SUPT3H: variants seen among roughly 807,000 people sequenced by gnomAD.
SUPT3H encodes transcription initiation protein SPT3 homolog.
Under a neutral mutation model 44.3 loss-of-function variants are expected in SUPT3H, and 44 were observed. The ratio of observed to expected loss-of-function variants is 0.99; its 90% CI spans 0.78 to 1.28. SUPT3H has a LOEUF of 1.28. SUPT3H is among the 50% of genes most tolerant of loss of function. The pLI, the probability that SUPT3H is intolerant of heterozygous loss-of-function variation, is 0.00. For missense variants in SUPT3H, 380 were observed against 387.1 expected (o/e 0.98, Z 0.15); for synonymous variants, 124 against 125.6 (o/e 0.99, Z 0.09).
At chr6:45,163,722 TC>T (rs1809404157) in intron 2 of SUPT3H, among the ~76,000 whole-genome samples, 1 of 151,244 alleles carries the variant, frequency 6.6e-6, no homozygotes, top group South Asian at 2.1e-4. Flanking sequence ...TGTCAGAGGA[TC>T]ACTGCCATAC....
intron 2 of SUPT3H, among the ~76,000 whole-genome samples, chr6:45,205,301 T>C (rs747934630): frequency 6.6e-6 from 1 of 152,206 alleles, no homozygotes; most frequent in Non-Finnish European, 1.5e-5. Context: ...AGACATAACA[T>C]AGAAGGACTC....
chr6:44,847,580 C>G (rs538310774), intron 10 of SUPT3H, among the ~76,000 whole-genome samples: 1 of 151,738 alleles, frequency 6.6e-6, no homozygotes, highest in Non-Finnish European at 1.5e-5. Flanking sequence ...CTCCGCCTCC[C>G]GGGTTCAAGT....
rs1780649217 is a variant in SUPT3H, at chr6:45,293,608, GAA to G, written c.101+71591_101+71592del. On this transcript the variant is annotated intron_variant, in intron 2 of 10. Transcript: ENST00000371459. Reference sequence around the variant, plus strand: ...CCATTAACAAGATTAACTAAGAAAAGAAGAGAGAAAATCGATATAAGCTCAGT... The same window carrying G: ...CCATTAACAAGATTAACTAAGAAAAGGAGAGAAAATCGATATAAGCTCAGT... Among the ~76,000 whole-genome samples the G allele has an allele frequency of 2.0e-5, 3 of 151,996 alleles. No individual in the cohort carries two copies. In the South Asian group the frequency reaches 6.2e-4, roughly 32 times the overall value.
chr6:44,906,883 T>C lies in SUPT3H; in HGVS notation c.912+25770A>G, dbSNP rs75223569. On this transcript the variant is annotated intron_variant, in intron 10 of 10. Coordinates refer to ENST00000371459, the MANE Select transcript of SUPT3H (RefSeq NM_003599.4). ...TTGTTTTTACTCTCAAATGCATTAG[T>C]ACTTTTCCTGATGTACTTTGGAGGT... Among the ~76,000 whole-genome samples, 823 of 152,378 alleles carry C rather than the reference T, an allele frequency of 5.4e-3. 12 individuals are homozygous for C. The highest frequency in any genetic ancestry group is 0.019 in the African/African-American group (793 of 41,588).
At chr6:44,869,482 T>G (rs546570593) in intron 10 of SUPT3H, among the ~76,000 whole-genome samples, 80 of 152,322 alleles carry the variant, frequency 5.3e-4, no homozygotes, top group Non-Finnish European at 8.4e-4. Flanking sequence ...ATTGCAACTG[T>G]TCTGAAAATC....
intron 2 of SUPT3H, among the ~76,000 whole-genome samples, chr6:45,327,617 A>G (rs1786584834): frequency 6.6e-6 from 1 of 152,034 alleles, no homozygotes; most frequent in Non-Finnish European, 1.5e-5. Flanking sequence ...TAGATTGATA[A>G]TAAACTAGAC....
intron 10 of SUPT3H, among the ~76,000 whole-genome samples, chr6:44,900,417 G>A (rs1365186095): frequency 2.6e-5 from 4 of 152,206 alleles, no homozygotes; most frequent in African/African-American, 7.2e-5. Context: ...ACGGAGCCTC[G>A]CTCACTGCTA....
chr6:44,944,774 A>AAAAAAG lies in SUPT3H; in HGVS notation c.801+8535_801+8536insCTTTTT, dbSNP rs1163538261. 2.6e-5 allele frequency among the ~76,000 whole-genome samples: 3 copies of AAAAAAG among 116,504 alleles called. No individual in the cohort carries two copies. The East Asian group carries it at 7.8e-4, about 30-fold the overall frequency. 76.4% of individuals were successfully genotyped at this position (116,504 alleles called of 152,430 possible). A position where few individuals can be genotyped will look rare whatever the true frequency, so the allele number is the denominator to read the frequency against. ...AAGACCCTCTCTCCAAAAAAAAAAA[A>AAAAAAG]AAAAAAAAAAAGAAAAGAAAAAAAG... On this transcript the variant is annotated intron_variant, in intron 9 of 10. Coordinates refer to ENST00000371459, the MANE Select transcript of SUPT3H (RefSeq NM_003599.4).
At chr6:45,107,362 C>G (rs1040521507) in intron 2 of SUPT3H, among the ~76,000 whole-genome samples, 1 of 152,046 alleles carries the variant, frequency 6.6e-6, no homozygotes, top group Non-Finnish European at 1.5e-5. Context: ...AATGTGGGGA[C>G]AAGAAAGGTA....
intron 5 of SUPT3H, among the ~76,000 whole-genome samples, chr6:45,013,035 T>A (rs776457654): frequency 6.6e-6 from 1 of 152,132 alleles, no homozygotes; most frequent in African/African-American, 2.4e-5. Flanking sequence ...TCTACTGTTA[T>A]CACATACAGC....
At chr6:45,322,426 T>C (rs9472462) in intron 2 of SUPT3H, among the ~76,000 whole-genome samples, 18,320 of 151,204 alleles carry the variant, frequency 0.12, 1,279 homozygotes, top group African/African-American at 0.19. Flanking sequence ...TATTTTAACA[T>C]TTCTTTCCTG....
chr6:45,104,443 C>T (rs1359561813), intron 3 of SUPT3H, among the ~76,000 whole-genome samples: 1 of 151,966 alleles, frequency 6.6e-6, no homozygotes. Flanking sequence ...TTCATTCTAG[C>T]CTGCCTGTTT....
chr6:44,915,720 G>A (rs1767707818), intron 10 of SUPT3H, among the ~76,000 whole-genome samples: 1 of 152,080 alleles, frequency 6.6e-6, no homozygotes, highest in African/African-American at 2.4e-5. Context: ...CATTTCTATT[G>A]ATAATAACTC....
intron 2 of SUPT3H, among the ~76,000 whole-genome samples, chr6:45,186,897 T>C (rs1177255977): frequency 2.0e-5 from 3 of 151,920 alleles, no homozygotes; most frequent in Non-Finnish European, 4.4e-5. Context: ...TTCCCTCCGG[T>C]TTATTACCAT....
intron 2 of SUPT3H, among the ~76,000 whole-genome samples, chr6:45,288,547 G>GTA (rs58524677): frequency 3.9e-5 from 5 of 126,746 alleles, no homozygotes; most frequent in Non-Finnish European, 6.4e-5. Flanking sequence ...GTGTGTGTGT[G>GTA]TATATATATA....
At chr6:45,172,072 CTT>C (rs113003297) in intron 2 of SUPT3H, among the ~76,000 whole-genome samples, 2 of 135,662 alleles carry the variant, frequency 1.5e-5, no homozygotes, top group Admixed American at 7.4e-5. Context: ...ATTTATTTAT[CTT>C]TTTTTTTTTT....
intron 2 of SUPT3H, among the ~76,000 whole-genome samples, chr6:45,223,297 G>T (rs1766376946): frequency 6.6e-6 from 1 of 151,890 alleles, no homozygotes; most frequent in Non-Finnish European, 1.5e-5. Context: ...ACCATTGGGG[G>T]TAACTAGATA....
chr6:44,910,105 C>T (rs1289885121), intron 10 of SUPT3H, among the ~76,000 whole-genome samples: 1 of 152,132 alleles, frequency 6.6e-6, no homozygotes, highest in East Asian at 1.9e-4. Flanking sequence ...GCCTATTTCC[C>T]CACTGTCTTC....
intron 7 of SUPT3H, among the ~76,000 whole-genome samples, chr6:44,960,707 C>T (rs1775904697): frequency 6.6e-6 from 1 of 151,808 alleles, no homozygotes; most frequent in South Asian, 2.1e-4. Flanking sequence ...AATACAAAAC[C>T]TTTCATTTGC....
Sources: allele counts gnomAD v4.1 joint callset (sites outside exome capture counted in the v4.1 genomes callset), GRCh38; gene constraint gnomAD v4.1.1; transcripts MANE v1.5; gene names NCBI Gene and HGNC (gene_info 2026-07-23, HGNC 2026-07-21).